Variants in PSMA8 observed in about 807,000 individuals in gnomAD.
The protein encoded by PSMA8 is proteasome 20S subunit alpha 8.
Under a neutral mutation model 32.4 loss-of-function variants are expected in PSMA8, and 18 were observed. That is an observed-to-expected ratio of 0.56 (90% CI 0.38 to 0.82). The LOEUF (loss-of-function observed/expected upper bound fraction) is 0.82, where lower values mean the gene tolerates loss of function less well. Among genes scored for constraint, PSMA8 ranks in the 40% least tolerant of loss-of-function variants. PSMA8 has a pLI of 0.00. For missense variants in PSMA8, 298 were observed against 300.7 expected, an observed-to-expected ratio of 0.99 and a Z score of 0.07; for synonymous variants, 104 against 98.1, an observed-to-expected ratio of 1.06 and a Z score of -0.36.
At chr18:26,159,066 T>C (rs1441501405) in intron 4 of PSMA8, among the ~76,000 whole-genome samples, 3 of 152,116 alleles carry the variant, frequency 2.0e-5, no homozygotes, top group African/African-American at 7.2e-5. Context: ...TTTTTATATA[T>C]TCCTGTATAT....
chr18:26,178,158 CAGT>C (rs1307207293), intron 4 of PSMA8, among the ~76,000 whole-genome samples: 7 of 152,184 alleles, frequency 4.6e-5, no homozygotes, highest in Non-Finnish European at 1.0e-4. Context: ...GCCAAGGCTA[CAGT>C]GAGCAGTGAT....
At chr18:26,137,414 C>A (rs1195688043) in intron 1 of PSMA8, among the ~76,000 whole-genome samples, 2 of 152,092 alleles carry the variant, frequency 1.3e-5, no homozygotes, top group Non-Finnish European at 2.9e-5. Context: ...GCTGAGATTG[C>A]ACCAGTGTAC....
At chr18:26,144,785 G>A in intron 2 of PSMA8, 100 bp downstream of exon 2, 9 of 1,145,694 alleles carry the variant, frequency 7.9e-6, no homozygotes, top group South Asian at 5.1e-5. Flanking sequence ...TAAAACATGT[G>A]GAGTTGTTCT....
At chr18:26,191,763 C>T (rs866385246) in intron 6 of PSMA8, among the ~76,000 whole-genome samples, 12 of 152,248 alleles carry the variant, frequency 7.9e-5, no homozygotes, top group African/African-American at 2.9e-4. Context: ...CCAATAATTG[C>T]TGTCTTATAG....
At chr18:26,185,826 G>A (rs765544047) in intron 6 of PSMA8, among the ~76,000 whole-genome samples, 1 of 150,548 alleles carries the variant, frequency 6.6e-6, no homozygotes, top group Non-Finnish European at 1.5e-5. Flanking sequence ...TTTAATTTGT[G>A]GATCTTGAAT....
rs917142620 is a variant in PSMA8, at chr18:26,192,527, G to T, written c.*116G>T. ...TTGCAGCATTACATGCAGTACTTGTGTGATGTTTTGAGAATGCCAGATCTG... is the reference window on the plus strand; with the variant it reads ...TTGCAGCATTACATGCAGTACTTGTTTGATGTTTTGAGAATGCCAGATCTG... On this transcript the variant is annotated 3_prime_UTR_variant, in exon 7 of 7. Coordinates refer to ENST00000415576, the MANE Select transcript of PSMA8 (RefSeq NM_001025096.2). 31 of 1,233,024 alleles carry T rather than the reference G, an allele frequency of 2.5e-5. No individual in the cohort carries two copies. The Admixed American group carries it at 8.0e-4, about 32-fold the overall frequency. 76.4% of individuals were successfully genotyped at this position (1,233,024 alleles called of 1,614,324 possible). A position where few individuals can be genotyped will look rare whatever the true frequency, so the allele number is the denominator to read the frequency against.
Position 26,171,162 on chromosome 18 carries a change from G to A in PSMA8, c.478-7668G>A, listed in dbSNP as rs1232338570. 1.4e-5 allele frequency: 22 copies of A among 1,559,176 alleles called. 1 individual carries two copies. Among genetic ancestry groups the A allele is most frequent in the Non-Finnish European group, 1.3e-5 (15 of 1,170,196 alleles). On this transcript the variant is annotated intron_variant, in intron 4 of 6. Transcript: ENST00000415576. ...CAGATTCTGTTTACCTTCTACTGAAGAGGTTGTGGTCATTCTCTGGAAATA... is the reference window on the plus strand; with the variant it reads ...CAGATTCTGTTTACCTTCTACTGAAAAGGTTGTGGTCATTCTCTGGAAATA...
chr18:26,163,234 TA>T (rs2055151435), intron 4 of PSMA8, among the ~76,000 whole-genome samples: 1 of 115,138 alleles, frequency 8.7e-6, no homozygotes, highest in Non-Finnish European at 1.8e-5. Context: ...TATATATATA[TA>T]TATATATATA....
chr18:26,168,677 G>A lies in PSMA8; in HGVS notation c.478-10153G>A, dbSNP rs1188865488. ...CCCGAGTAGCTGGGACTACAGGCAT[G>A]GGCCATTCCACCCAGCTAACCGATT... On this transcript the variant is annotated intron_variant, in intron 4 of 6. Coordinates refer to ENST00000415576, the MANE Select transcript of PSMA8 (RefSeq NM_001025096.2). 1.6e-5 allele frequency among the ~76,000 whole-genome samples: 2 copies of A among 127,546 alleles called. 1 individual carries two copies. The highest frequency in any genetic ancestry group is 3.0e-5 in the Non-Finnish European group (2 of 66,520). 83.7% of individuals were successfully genotyped at this position (127,546 alleles called of 152,430 possible).
At chr18:26,179,744 A>G (rs2055294789) in intron 6 of PSMA8, among the ~76,000 whole-genome samples, 2 of 152,050 alleles carry the variant, frequency 1.3e-5, no homozygotes, top group Non-Finnish European at 2.9e-5. Flanking sequence ...CTGAGATTGT[A>G]AAAAAGCACT....
intron 6 of PSMA8, among the ~76,000 whole-genome samples, chr18:26,182,320 A>G (rs1012853194): frequency 6.6e-5 from 10 of 152,208 alleles, no homozygotes; most frequent in African/African-American, 2.4e-4. Flanking sequence ...TAAAATTTTC[A>G]TAGCTAGAGA....
chr18:26,136,537 C>T (rs2054912716), intron 1 of PSMA8, among the ~76,000 whole-genome samples: 1 of 152,172 alleles, frequency 6.6e-6, no homozygotes, highest in Non-Finnish European at 1.5e-5. Flanking sequence ...TTTCTTTCTG[C>T]TGCTCTGCAT....
chr18:26,145,957 T>C (rs926798187), intron 2 of PSMA8, among the ~76,000 whole-genome samples: 3 of 152,228 alleles, frequency 2.0e-5, no homozygotes, highest in Non-Finnish European at 4.4e-5. Flanking sequence ...TATACTATTT[T>C]AAATTCCAAC....
chr18:26,154,861 C>T (rs559850246), intron 3 of PSMA8, among the ~76,000 whole-genome samples: 21 of 152,108 alleles, frequency 1.4e-4, no homozygotes, highest in Admixed American at 3.3e-4. Context: ...GTGATCTACC[C>T]GCCTCAGCCT....
intron 4 of PSMA8, among the ~76,000 whole-genome samples, chr18:26,169,376 C>T (rs2055204286): frequency 7.5e-6 from 1 of 133,632 alleles, no homozygotes. Flanking sequence ...CTACTTATAA[C>T]TTTAAAATAT....
At chr18:26,161,643 CAGG>C (rs896574592) in intron 4 of PSMA8, among the ~76,000 whole-genome samples, 2 of 152,162 alleles carry the variant, frequency 1.3e-5, no homozygotes, top group African/African-American at 4.8e-5. Context: ...GAAGCTGAGG[CAGG>C]AGAATGGCTT....
chr18:26,151,877 AG>A lies in PSMA8; in HGVS notation c.250del (p.Val84Ter). 1.2e-6 allele frequency: 2 copies of A among 1,608,564 alleles called. No homozygotes were observed. The highest frequency in any genetic ancestry group is 1.7e-6 in the Non-Finnish European group (2 of 1,177,886). On this transcript the variant is annotated frameshift_variant, in exon 3 of 7. Coordinates refer to ENST00000415576, the MANE Select transcript of PSMA8 (RefSeq NM_001025096.2). LOFTEE classifies it high-confidence loss of function. Reference sequence around the variant, plus strand: ...TTATAGGACTTACTGCTGATGCTAGAGTAGTAATAAACAGAGCCCGTGTGGA... The same window carrying A: ...TTATAGGACTTACTGCTGATGCTAGATAGTAATAAACAGAGCCCGTGTGGA... ...AFAGLTADAR[V>X]VINRARVECQ...
At chr18:26,182,394 C>A (rs2055319027) in intron 6 of PSMA8, among the ~76,000 whole-genome samples, 1 of 152,198 alleles carries the variant, frequency 6.6e-6, no homozygotes, top group Non-Finnish European at 1.5e-5. Context: ...GATAATGCAG[C>A]TGGTAACTTT....
intron 4 of PSMA8, among the ~76,000 whole-genome samples, chr18:26,164,968 A>C (rs958874532): frequency 1.3e-5 from 2 of 151,896 alleles, no homozygotes; most frequent in South Asian, 4.1e-4. Context: ...CCCAGGCTGG[A>C]GTGCAATGGT....
Sources: gnomAD v4.1 joint callset for allele counts (sites outside exome capture counted in the v4.1 genomes callset) on GRCh38, gnomAD v4.1.1 for gene constraint, MANE v1.5 for transcripts, NCBI Gene and HGNC (gene_info 2026-07-23, HGNC 2026-07-21) for gene names.